The following OSMR variants were observed in gnomAD, a reference collection of about 807,000 sequenced individuals.
OSMR encodes the protein oncostatin M receptor.
In OSMR, 81 loss-of-function variants were observed where a neutral mutation model predicts 99.9. That is an observed-to-expected ratio of 0.81 (90% CI 0.68 to 0.97). The LOEUF (loss-of-function observed/expected upper bound fraction) is 0.97. OSMR is among the 50% of genes least tolerant of loss of function. OSMR has a pLI of 0.00. For synonymous variants in OSMR, 406 were observed against 410.4 expected, an observed-to-expected ratio of 0.99 and a Z score of 0.13; for missense variants, 1,099 against 1,153.4, an observed-to-expected ratio of 0.95 and a Z score of 0.68.
In OSMR at chr5:38,924,963, T is replaced by C. The variant is rs34464039; in HGVS notation, c.2045-241T>C. The C allele has an allele frequency of 1.7e-3, 545 of 327,882 alleles. 2 individuals carry two copies. The highest frequency in any genetic ancestry group is 5.4e-3 in the South Asian group (44 of 8,136). 20.3% of individuals were successfully genotyped at this position (327,882 alleles called of 1,614,324 possible). A position where few individuals can be genotyped will look rare whatever the true frequency, so the allele number is the denominator to read the frequency against. On this transcript the variant is annotated intron_variant, in intron 14 of 17. Transcript: ENST00000274276. Reference sequence around the variant, plus strand: ...TACTGTTTCTTGCAGATTTGTATGCTTTGGCTGGATCACTAGTACCCCTTG... The same window carrying C: ...TACTGTTTCTTGCAGATTTGTATGCCTTGGCTGGATCACTAGTACCCCTTG...
At chr5:38,846,547 TC>T (rs1461591417) in intron 1 of OSMR, among the ~76,000 whole-genome samples, 160 bp downstream of exon 1, 1 of 152,184 alleles carries the variant, frequency 6.6e-6, no homozygotes, top group Admixed American at 6.5e-5. Context: ...CTTTCCTCTC[TC>T]CCAACACATC....
At chr5:38,862,351 T>C (rs62352592) in intron 1 of OSMR, among the ~76,000 whole-genome samples, 2 of 97,260 alleles carry the variant, frequency 2.1e-5, no homozygotes, top group Admixed American at 9.1e-5. Flanking sequence ...GGCTCCTCAC[T>C]TCCCAGTAGG....
chr5:38,890,192 T>C (rs112723694), intron 7 of OSMR, among the ~76,000 whole-genome samples: 274 of 152,340 alleles, frequency 1.8e-3, no homozygotes, highest in African/African-American at 6.2e-3. Flanking sequence ...GCTGAAAGTG[T>C]GGTCTATGGA....
chr5:38,902,827 TCA>T (rs1344247529), intron 7 of OSMR, among the ~76,000 whole-genome samples: 1 of 152,156 alleles, frequency 6.6e-6, no homozygotes, highest in Non-Finnish European at 1.5e-5. Flanking sequence ...TAATTCTCTC[TCA>T]GATGCCTCCA....
Position 38,918,928 on chromosome 5 carries a change from A to T in OSMR, c.1451A>T (p.His484Leu). Residue 484 changes from histidine (H) to leucine (L), a missense_variant, in exon 11 of 18, where the codon CAT becomes CTT. His to Leu is a moderately conservative substitution (Grantham distance 99). Coordinates refer to ENST00000274276, the MANE Select transcript of OSMR (RefSeq NM_003999.3). ...NLDKPSSSEL[H>L]SIPAPANSTK... Reference sequence around the variant, plus strand: ...GACAAACCATCCAGTTCAGAGCTCCATTCCATTCCAGCACCAGCCAACAGC... The same window carrying T: ...GACAAACCATCCAGTTCAGAGCTCCTTTCCATTCCAGCACCAGCCAACAGC... 2 of 1,614,058 alleles carry T rather than the reference A, an allele frequency of 1.2e-6. No individual in the cohort carries two copies. The highest frequency in any genetic ancestry group is 1.7e-6 in the Non-Finnish European group (2 of 1,179,898).
chr5:38,915,282 C>T (rs190191840), intron 9 of OSMR, among the ~76,000 whole-genome samples: 247 of 152,292 alleles, frequency 1.6e-3, no homozygotes, highest in African/African-American at 5.7e-3. Context: ...AAAAATTTGA[C>T]AGCACTGGGA....
intron 4 of OSMR, among the ~76,000 whole-genome samples, chr5:38,882,717 G>A (rs867725853): frequency 3.3e-5 from 5 of 152,178 alleles, no homozygotes; most frequent in Non-Finnish European, 5.9e-5. Flanking sequence ...ATTTGCGCAC[G>A]TTAAACTAAT....
intron 2 of OSMR, among the ~76,000 whole-genome samples, chr5:38,875,692 A>T (rs1002529361): frequency 6.6e-6 from 1 of 152,204 alleles, no homozygotes; most frequent in African/African-American, 2.4e-5. Flanking sequence ...GGTCTCATCG[A>T]AAGAGTTCAG....
intron 1 of OSMR, among the ~76,000 whole-genome samples, chr5:38,866,441 G>C (rs968414510): frequency 5.9e-5 from 9 of 152,168 alleles, no homozygotes; most frequent in Admixed American, 6.5e-5. Context: ...GGACTCTCAG[G>C]CTTTTGGGAG....
intron 1 of OSMR, chr5:38,941,167 A>G (rs945732760): frequency 6.0e-5 from 14 of 232,836 alleles, no homozygotes; most frequent in Non-Finnish European, 1.0e-4. Flanking sequence ...AACTTCACAA[A>G]TGGATAAAGG....
At position 38,881,591 on chromosome 5, in the gene OSMR, A is replaced by G; in HGVS notation, c.247-2A>G. 2.5e-6 allele frequency: 4 copies of G among 1,614,170 alleles called. No homozygotes were observed. The highest frequency in any genetic ancestry group is 3.4e-6 in the Non-Finnish European group (4 of 1,180,022). ...CTCCAATTGTTTTCTCTTTGCTTTT[A>G]GGGGAATTACAGCACCACTGTGAAG... is the stretch of plus-strand genomic sequence containing the variant. On this transcript the variant is annotated splice_acceptor_variant, in intron 3 of 17. Transcript: ENST00000274276. LOFTEE classifies it high-confidence loss of function.
At chr5:38,893,390 G>A (rs1392880619) in intron 7 of OSMR, among the ~76,000 whole-genome samples, 1 of 152,174 alleles carries the variant, frequency 6.6e-6, no homozygotes, top group East Asian at 1.9e-4. Flanking sequence ...ATTGTAAGGA[G>A]GCTCGAAGAG....
At position 38,926,588 on chromosome 5, in the gene OSMR, G is replaced by T. The variant is rs114084528; in HGVS notation, c.2212+1217G>T. On this transcript the variant is annotated intron_variant, in intron 15 of 17. Transcript: ENST00000274276. ...TGTGAGAACTCACCTACTATCATGA[G>T]AACAGCATGGGGGTAACTGCCACCA... Among the ~76,000 whole-genome samples the T allele has an allele frequency of 3.4e-3, 521 of 152,260 alleles. 6 individuals are homozygous for T. The highest frequency in any genetic ancestry group is 0.012 in the African/African-American group (500 of 41,554).
chr5:38,917,664 T>C (rs926578148), intron 10 of OSMR, 42 bp downstream of exon 10: 1 of 1,526,702 alleles, frequency 6.6e-7, no homozygotes, highest in Admixed American at 1.7e-5. Flanking sequence ...TTTCCAAAAG[T>C]CACATTTGTG....
intron 12 of OSMR, among the ~76,000 whole-genome samples, chr5:38,922,184 T>C (rs1198617989): frequency 2.0e-5 from 3 of 152,304 alleles, no homozygotes; most frequent in African/African-American, 2.4e-5. Flanking sequence ...TCAGTTTCAA[T>C]AGAACATGTA....
downstream of OSMR, chr5:38,945,448 A>G (rs2112812517): frequency 7.7e-7 from 1 of 1,299,806 alleles, no homozygotes; most frequent in Non-Finnish European, 1.1e-6. Context: ...AGAGAACTTT[A>G]GTCATCACTA....
intron 1 of OSMR, among the ~76,000 whole-genome samples, chr5:38,862,429 C>A (rs1328939155): frequency 2.0e-5 from 3 of 147,934 alleles, no homozygotes; most frequent in Non-Finnish European, 4.5e-5. Flanking sequence ...CTGACCCCCC[C>A]ACCTCCCTCC....
downstream of OSMR, chr5:38,939,941 A>G: frequency 8.7e-6 from 2 of 228,922 alleles, no homozygotes; most frequent in Non-Finnish European, 1.7e-5. Flanking sequence ...TTTTACAAAC[A>G]AGTACTCAAA....
intron 11 of OSMR, among the ~76,000 whole-genome samples, chr5:38,920,958 A>G (rs1237179107): frequency 1.3e-5 from 2 of 152,176 alleles, no homozygotes; most frequent in African/African-American, 4.8e-5. Flanking sequence ...CCAACTTTTT[A>G]TATACCTGAA....
Sources: allele counts gnomAD v4.1 joint callset (sites outside exome capture counted in the v4.1 genomes callset), GRCh38; gene constraint gnomAD v4.1.1; transcripts MANE v1.5; gene names NCBI Gene and HGNC (gene_info 2026-07-23, HGNC 2026-07-21).